MDFIC: variants seen among roughly 807,000 people sequenced by gnomAD.
The protein encoded by MDFIC is MyoD family inhibitor domain containing.
In MDFIC, 17 loss-of-function variants were observed where a neutral mutation model predicts 23.2. The observed-to-expected ratio is 0.73, with a 90% CI of 0.50 to 1.10. MDFIC has a LOEUF of 1.10. MDFIC is among the 50% of genes least tolerant of loss of function. The pLI is 0.00. For synonymous variants in MDFIC, 120 were observed against 115.2 expected, an observed-to-expected ratio of 1.04 and a Z score of -0.27; for missense variants, 356 against 316.6, an observed-to-expected ratio of 1.12 and a Z score of -0.95.
intron 3 of MDFIC, among the ~76,000 whole-genome samples, chr7:114,949,016 C>G (rs1421794964): frequency 6.6e-6 from 1 of 152,082 alleles, no homozygotes; most frequent in Non-Finnish European, 1.5e-5. Flanking sequence ...GATTTGTTTT[C>G]GTGAAGATTG....
intron 3 of MDFIC, among the ~76,000 whole-genome samples, chr7:114,979,057 C>A (rs1052395952): frequency 6.6e-6 from 1 of 151,922 alleles, no homozygotes; most frequent in Non-Finnish European, 1.5e-5. Context: ...GCTTTGAATA[C>A]CAGAACTTAT....
At chr7:114,994,112 T>G (rs549191534) in intron 4 of MDFIC, among the ~76,000 whole-genome samples, 2 of 152,342 alleles carry the variant, frequency 1.3e-5, no homozygotes, top group Admixed American at 1.3e-4. Flanking sequence ...AATGGCCTTC[T>G]TTGTCTCTTT....
chr7:114,937,819 A>G (rs1394988873), intron 2 of MDFIC, among the ~76,000 whole-genome samples: 1 of 152,222 alleles, frequency 6.6e-6, no homozygotes, highest in Non-Finnish European at 1.5e-5. Flanking sequence ...CTTTGGAAGT[A>G]GATGCCAGTG....
intron 4 of MDFIC, among the ~76,000 whole-genome samples, chr7:114,994,522 G>A (rs1328829959): frequency 6.6e-6 from 1 of 152,156 alleles, no homozygotes; most frequent in Admixed American, 6.5e-5. Context: ...GCTTCCTTCA[G>A]GAGCTCTTTT....
intron 3 of MDFIC, among the ~76,000 whole-genome samples, chr7:114,944,744 G>A (rs190872830): frequency 3.7e-4 from 57 of 152,186 alleles, no homozygotes; most frequent in African/African-American, 1.4e-3. Flanking sequence ...GCACATTTTG[G>A]GGGCCCAGAA....
chr7:114,930,196 T>G (rs1792282330), intron 2 of MDFIC, among the ~76,000 whole-genome samples: 1 of 152,138 alleles, frequency 6.6e-6, no homozygotes, highest in Admixed American at 6.5e-5. Flanking sequence ...GTGGAAGTGA[T>G]CAGCATGGTT....
At chr7:115,014,584 T>C in intron 4 of MDFIC, 1 of 1,167,404 alleles carries the variant, frequency 8.6e-7, no homozygotes. Flanking sequence ...TTGTGGAATC[T>C]TCTTATTAAA....
intron 4 of MDFIC, among the ~76,000 whole-genome samples, chr7:114,988,297 C>A (rs1014131759): frequency 6.6e-6 from 1 of 152,142 alleles, no homozygotes; most frequent in Admixed American, 6.6e-5. Context: ...TATTTAGAAA[C>A]CAGGCTTCAG....
Position 114,971,692 on chromosome 7 carries a change from A to T in MDFIC, c.218-7814A>T, listed in dbSNP as rs367554670. 5.3e-5 allele frequency among the ~76,000 whole-genome samples: 8 copies of T among 152,306 alleles called. 1 individual carries two copies. Among genetic ancestry groups the T allele is most frequent in the African/African-American group, 1.9e-4 (8 of 41,568 alleles). ...TTTCTTGTTAATTTCTCTGGATAATAAGCATTAGAGAAAAGCTATACTTGG... is the reference window on the plus strand; with the variant it reads ...TTTCTTGTTAATTTCTCTGGATAATTAGCATTAGAGAAAAGCTATACTTGG... On this transcript the variant is annotated intron_variant, in intron 3 of 4. Transcript: ENST00000393486.
chr7:114,992,511 T>A lies in MDFIC; in HGVS notation c.493+12730T>A, dbSNP rs564818369. On this transcript the variant is annotated intron_variant, in intron 4 of 4. Transcript: ENST00000393486. ...TTGTCATAAATAGCTCTTATTATTT[T>A]GAGATATGTCCCAGCAATACCGAAT... Among the ~76,000 whole-genome samples, 8 of 152,342 alleles carry A rather than the reference T, an allele frequency of 5.3e-5. 1 individual carries two copies. In the East Asian group the frequency reaches 1.5e-3, roughly 29 times the overall value.
intron 2 of MDFIC, among the ~76,000 whole-genome samples, chr7:114,937,591 C>A (rs1202112264): frequency 6.6e-6 from 1 of 152,204 alleles, no homozygotes; most frequent in Non-Finnish European, 1.5e-5. Flanking sequence ...CAATGAGTCC[C>A]AGTCACACAG....
chr7:115,008,955 A>G (rs998507677), intron 4 of MDFIC, among the ~76,000 whole-genome samples: 2 of 152,218 alleles, frequency 1.3e-5, no homozygotes, highest in East Asian at 3.8e-4. Context: ...CAGCTAAAGA[A>G]TGGGGAACAA....
At chr7:114,970,790 A>G (rs1356447169) in intron 3 of MDFIC, among the ~76,000 whole-genome samples, 5 of 152,156 alleles carry the variant, frequency 3.3e-5, no homozygotes, top group Admixed American at 6.6e-5. Flanking sequence ...TTCAGCTAAC[A>G]TGTATATGAT....
At chr7:114,934,375 T>A (rs2115722105) in intron 2 of MDFIC, among the ~76,000 whole-genome samples, 1 of 152,318 alleles carries the variant, frequency 6.6e-6, no homozygotes, top group Admixed American at 6.5e-5. Context: ...CCTTCATGAA[T>A]TTAGAGCCCT....
At chr7:115,007,100 G>T (rs1210073726) in intron 4 of MDFIC, among the ~76,000 whole-genome samples, 1 of 152,104 alleles carries the variant, frequency 6.6e-6, no homozygotes, top group Non-Finnish European at 1.5e-5. Flanking sequence ...TTGCCTTCTT[G>T]GTTCATTCTT....
chr7:115,004,817 G>C (rs1791536417), intron 4 of MDFIC, among the ~76,000 whole-genome samples: 1 of 152,030 alleles, frequency 6.6e-6, no homozygotes, highest in Non-Finnish European at 1.5e-5. Flanking sequence ...TAATGGACCA[G>C]AGTACACAGT....
At chr7:114,999,374 T>C (rs138252740) in intron 4 of MDFIC, among the ~76,000 whole-genome samples, 63 of 152,230 alleles carry the variant, frequency 4.1e-4, no homozygotes, top group African/African-American at 1.5e-3. Flanking sequence ...TCATGGTATT[T>C]GAATTGATTA....
chr7:114,969,255 G>A (rs1793159538), intron 3 of MDFIC, among the ~76,000 whole-genome samples: 1 of 152,172 alleles, frequency 6.6e-6, no homozygotes, highest in Non-Finnish European at 1.5e-5. Context: ...GGTGAAGGAT[G>A]AAGTTTATAA....
Position 114,979,639 on chromosome 7 carries a change from C to T in MDFIC, c.351C>T (p.Ser117=), listed in dbSNP as rs139229876. The change falls in exon 4 of 5, where the codon TCC becomes TCT. Residue 117 remains serine (S), a synonymous_variant. Coordinates refer to ENST00000393486, the MANE Select transcript of MDFIC (RefSeq NM_001166345.3). The part of the protein sequence containing the change: ...NGIHHGAKHG[S]ADNRKLSAPV... ...TTCACCACGGGGCCAAACACGGATCCGCAGATAATCGCAAACTTTCAGCAC... is the reference window on the plus strand; with the variant it reads ...TTCACCACGGGGCCAAACACGGATCTGCAGATAATCGCAAACTTTCAGCAC... 411 of 1,613,878 alleles carry T rather than the reference C, an allele frequency of 2.5e-4. 1 individual carries two copies. Among genetic ancestry groups the T allele is most frequent in the Non-Finnish European group, 3.3e-4 (395 of 1,180,000 alleles).
Sources: gnomAD v4.1 joint callset for allele counts (sites outside exome capture counted in the v4.1 genomes callset) on GRCh38, gnomAD v4.1.1 for gene constraint, MANE v1.5 for transcripts, NCBI Gene and HGNC (gene_info 2026-07-23, HGNC 2026-07-21) for gene names.